The following FTCDNL1 variants were observed in gnomAD, a reference collection of about 807,000 sequenced individuals.
FTCDNL1 encodes formiminotransferase N-terminal subdomain-containing protein.
In FTCDNL1, 11 loss-of-function variants were observed where a neutral mutation model predicts 5.9. That is an observed-to-expected ratio of 1.87 (90% CI 1.18 to 3.10). FTCDNL1 has a LOEUF of 3.10. FTCDNL1 is among the 30% of genes most tolerant of loss of function. The pLI is 0.00. For missense variants in FTCDNL1, 115 were observed against 65.5 expected, an observed-to-expected ratio of 1.76 and a Z score of -2.61; for synonymous variants, 58 against 24.8, an observed-to-expected ratio of 2.34 and a Z score of -3.99.
At chr2:199,815,467 A>G (rs1701296200) in intron 4 of FTCDNL1, among the ~76,000 whole-genome samples, 1 of 152,194 alleles carries the variant, frequency 6.6e-6, no homozygotes, top group Non-Finnish European at 1.5e-5. Flanking sequence ...AGGGAAAAAC[A>G]TAAACATAGC....
chr2:199,838,489 A>G (rs1235091563), intron 3 of FTCDNL1, among the ~76,000 whole-genome samples: 1 of 152,210 alleles, frequency 6.6e-6, no homozygotes, highest in Non-Finnish European at 1.5e-5. Flanking sequence ...CAACAGAAAT[A>G]AAGAGGAGGC....
chr2:199,761,506 G>A (rs113969723), intron 3 of FTCDNL1, among the ~76,000 whole-genome samples: 22 of 152,314 alleles, frequency 1.4e-4, no homozygotes, highest in African/African-American at 4.8e-4. Context: ...ATCTCAGTGA[G>A]TACATGCCTC....
chr2:199,678,709 A>G, the FTCDNL1 span, among the ~76,000 whole-genome samples: 1 of 152,106 alleles, frequency 6.6e-6, no homozygotes. Context: ...ACACATTTAC[A>G]GAGTTGAAAT....
chr2:199,744,912 C>G, the FTCDNL1 span, among the ~76,000 whole-genome samples: 1 of 152,192 alleles, frequency 6.6e-6, no homozygotes, highest in South Asian at 2.1e-4. Context: ...GGAAAACGCC[C>G]GTTCCTCGCA....
At chr2:199,850,193 TTC>T (rs1286173204) in intron 1 of FTCDNL1, among the ~76,000 whole-genome samples, 1 of 152,192 alleles carries the variant, frequency 6.6e-6, no homozygotes, top group Non-Finnish European at 1.5e-5. Context: ...TTCATAAAAA[TTC>T]TGTCATTAGG....
chr2:199,841,553 G>GT (rs1157518400), intron 3 of FTCDNL1, among the ~76,000 whole-genome samples: 1 of 151,916 alleles, frequency 6.6e-6, no homozygotes, highest in African/African-American at 2.4e-5. Flanking sequence ...ATAGTTAGTG[G>GT]TTACATTATT....
At chr2:199,705,044 C>T in the FTCDNL1 span, among the ~76,000 whole-genome samples, 3 of 152,100 alleles carry the variant, frequency 2.0e-5, no homozygotes, top group Non-Finnish European at 4.4e-5. Flanking sequence ...GCTCATGGGG[C>T]CACAGAAACT....
chr2:199,735,804 T>A, the FTCDNL1 span, among the ~76,000 whole-genome samples: 1 of 152,180 alleles, frequency 6.6e-6, no homozygotes, highest in African/African-American at 2.4e-5. Flanking sequence ...ATTTCCAGCA[T>A]GACACCAGGC....
At chr2:199,817,449 T>A (rs1559215842) in intron 4 of FTCDNL1, among the ~76,000 whole-genome samples, 1 of 152,182 alleles carries the variant, frequency 6.6e-6, no homozygotes, top group Admixed American at 6.5e-5. Flanking sequence ...TTTTTATGAA[T>A]TTTTTTATGT....
chr2:199,734,594 T>A, the FTCDNL1 span, among the ~76,000 whole-genome samples: 2 of 152,212 alleles, frequency 1.3e-5, no homozygotes, highest in Non-Finnish European at 2.9e-5. Flanking sequence ...ATCAAATGTT[T>A]AAATTATTAT....
At chr2:199,735,475 T>TTA in the FTCDNL1 span, among the ~76,000 whole-genome samples, 1 of 151,854 alleles carries the variant, frequency 6.6e-6, no homozygotes, top group African/African-American at 2.4e-5. Flanking sequence ...CTTTTTTTTT[T>TTA]ACATGTGTAT....
intron 3 of FTCDNL1, chr2:199,844,493 G>C (rs2076676500): frequency 1.5e-6 from 1 of 660,056 alleles, no homozygotes; most frequent in Non-Finnish European, 2.8e-6. Context: ...CATATCGATA[G>C]CCTGGAAGGC....
Position 199,850,321 on chromosome 2 carries a change from T to G in FTCDNL1, c.-8+419A>C, listed in dbSNP as rs574278648. Among the ~76,000 whole-genome samples, 185 of 152,334 alleles carry G rather than the reference T, an allele frequency of 1.2e-3. 1 individual carries two copies. Among genetic ancestry groups the G allele is most frequent in the Admixed American group, 2.4e-3 (36 of 15,302 alleles). The stretch of plus-strand genomic sequence containing the variant: ...GGGCGTCTTCTGGTTTTCATTTGTT[T>G]TCAGTGTGTTTATGCAGCTTAATTG... On this transcript the variant is annotated intron_variant, in intron 1 of 4. Coordinates refer to ENST00000420128, the MANE Select transcript of FTCDNL1 (RefSeq NM_001363886.2).
At chr2:199,701,489 C>T in the FTCDNL1 span, among the ~76,000 whole-genome samples, 2 of 152,006 alleles carry the variant, frequency 1.3e-5, no homozygotes, top group Non-Finnish European at 2.9e-5. Flanking sequence ...AATTGCTCTA[C>T]CATAAAGACA....
chr2:199,690,889 C>G, the FTCDNL1 span, among the ~76,000 whole-genome samples: 1 of 152,076 alleles, frequency 6.6e-6, no homozygotes, highest in African/African-American at 2.4e-5. Flanking sequence ...TTTATTTACT[C>G]CATGGTCTAA....
chr2:199,780,911 T>C (rs1476767623), intron 3 of FTCDNL1, among the ~76,000 whole-genome samples: 7 of 152,190 alleles, frequency 4.6e-5, no homozygotes, highest in East Asian at 1.9e-4. Context: ...TGTCCCCTCA[T>C]GGAAGTGCTC....
downstream of FTCDNL1, among the ~76,000 whole-genome samples, chr2:199,755,588 T>A (rs924339045): frequency 6.6e-6 from 1 of 152,202 alleles, no homozygotes; most frequent in African/African-American, 2.4e-5. Flanking sequence ...TGGTACATAT[T>A]CCCTATACAC....
chr2:199,752,740 CTGTGTGTGTGTGTG>C, the FTCDNL1 span, among the ~76,000 whole-genome samples: 1 of 30,622 alleles, frequency 3.3e-5, no homozygotes, highest in Non-Finnish European at 1.7e-4. Flanking sequence ...CTCTCTCTCT[CTGTGTGTGTGTGTG>C]TGTGTGTGTG....
chr2:199,796,949 C>G (rs1340781758), intron 3 of FTCDNL1, among the ~76,000 whole-genome samples: 5 of 152,076 alleles, frequency 3.3e-5, no homozygotes, highest in African/African-American at 1.2e-4. Flanking sequence ...CAAATGTTGG[C>G]AGTCAAAAAT....
Sources: gnomAD v4.1 joint callset for allele counts (sites outside exome capture counted in the v4.1 genomes callset) on GRCh38, gnomAD v4.1.1 for gene constraint, MANE v1.5 for transcripts, NCBI Gene and HGNC (gene_info 2026-07-23, HGNC 2026-07-21) for gene names.